CRACR2A: variants seen among roughly 807,000 people sequenced by gnomAD.
CRACR2A encodes the protein EF-hand calcium-binding domain-containing protein 4B.
In CRACR2A, 79 loss-of-function variants were observed where a neutral mutation model predicts 90.5. The observed-to-expected ratio is 0.87, with a 90% CI of 0.73 to 1.05. The LOEUF is 1.05. CRACR2A is among the 50% of genes least tolerant of loss of function. The probability of loss-of-function intolerance (pLI) is 0.00; values close to 1 mark genes in which losing one functional copy is unlikely to be tolerated. For synonymous variants in CRACR2A, 338 were observed against 356.7 expected (o/e 0.95, Z 0.59); for missense variants, 823 against 897.2 (o/e 0.92, Z 1.06).
At chr12:3,663,352 G>A (rs763164986) in intron 7 of CRACR2A, among the ~76,000 whole-genome samples, 4 of 152,006 alleles carry the variant, frequency 2.6e-5, no homozygotes, top group African/African-American at 4.8e-5. Context: ...ACAATACCAC[G>A]TCAAGGACTT....
chr12:3,674,730 T>G (rs1300928586), intron 6 of CRACR2A, among the ~76,000 whole-genome samples: 3 of 152,174 alleles, frequency 2.0e-5, no homozygotes, highest in African/African-American at 7.2e-5. Flanking sequence ...AGGCTTTTGA[T>G]TTTTTTAAAT....
intron 7 of CRACR2A, among the ~76,000 whole-genome samples, chr12:3,671,803 C>T (rs1193665847): frequency 6.6e-6 from 1 of 152,142 alleles, no homozygotes; most frequent in Non-Finnish European, 1.5e-5. Context: ...TACTTATGTG[C>T]CAGCACTGTT....
rs1400022892 is a variant in CRACR2A, at chr12:3,638,117, C to A, written c.1602+7G>T. 1 of 1,537,754 alleles carries A rather than the reference C, an allele frequency of 6.5e-7. No individual in the cohort carries two copies. Among genetic ancestry groups the A allele is most frequent in the South Asian group, 1.2e-5 (1 of 83,316 alleles). ...TGTGCATGAACCAAGGTAGGCTGTG[C>A]CCTTACCTTACACAGGGCTTCTTTT... On this transcript the variant is annotated splice_region_variant and intron_variant, in intron 14 of 19. Coordinates refer to ENST00000440314, the MANE Select transcript of CRACR2A (RefSeq NM_001144958.2).
At chr12:3,627,774 C>A (rs17836183) in intron 15 of CRACR2A, 68 bp from the exon 16 acceptor site, 1 of 1,434,528 alleles carries the variant, frequency 7.0e-7, no homozygotes, top group Non-Finnish European at 9.6e-7. Context: ...AATCAGGAAA[C>A]AATGCTTCCA....
At chr12:3,668,035 A>T (rs1945178420) in intron 7 of CRACR2A, among the ~76,000 whole-genome samples, 1 of 152,190 alleles carries the variant, frequency 6.6e-6, no homozygotes, top group East Asian at 1.9e-4. Flanking sequence ...TATAAAGCAA[A>T]CCATTTTTTA....
In CRACR2A at chr12:3,633,711, T is replaced by G. The variant is rs987410212; in HGVS notation, c.1628A>C (p.Asp543Ala). 6.4e-7 allele frequency: 1 copy of G among 1,551,706 alleles called. No homozygotes were observed. Among genetic ancestry groups the G allele is most frequent in the African/African-American group, 1.4e-5 (1 of 73,156 alleles). Residue 543 changes from aspartate (D) to alanine (A), a missense_variant, in exon 15 of 20, where the codon GAC becomes GCC. Physicochemically the swap from Asp to Ala is moderately radical, Grantham distance 126. Coordinates refer to ENST00000440314, the MANE Select transcript of CRACR2A (RefSeq NM_001144958.2). The surrounding 1 kb of genome is among the most constrained non-coding windows in gnomAD (Gnocchi z 4.5). Reference protein sequence around the residue: ...CKEESSPSAPDRLFKIVFVGN... With the variant: ...CKEESSPSAPARLFKIVFVGN... Reference sequence around the variant, plus strand: ...CACGAACACAATCTTGAAGAGCCGGTCAGGGGCAGAGGGAGAGCTTTCCTC... The same window carrying G: ...CACGAACACAATCTTGAAGAGCCGGGCAGGGGCAGAGGGAGAGCTTTCCTC...
chr12:3,696,102 A>G (rs1945735259), intron 4 of CRACR2A, among the ~76,000 whole-genome samples: 1 of 152,248 alleles, frequency 6.6e-6, no homozygotes, highest in Non-Finnish European at 1.5e-5. Context: ...GTTTTATTGG[A>G]ACACGGCACC....
In CRACR2A at chr12:3,672,608, T is replaced by C. The variant is rs1591675646; in HGVS notation, c.671+838A>G. On this transcript the variant is annotated intron_variant, in intron 7 of 19. Transcript: ENST00000440314. Reference sequence around the variant, plus strand: ...CACATCTAAGTCCATGTTCATAAAATGCGAGCTCATGGCTGTAAATGTTTG... The same window carrying C: ...CACATCTAAGTCCATGTTCATAAAACGCGAGCTCATGGCTGTAAATGTTTG... The C allele has an allele frequency of 1.1e-5, 3 of 282,052 alleles. No homozygotes were observed. The Admixed American group carries it at 1.9e-4, about 18-fold the overall frequency. The allele number at this position is 282,052 out of a possible 1,614,324, so 17.5% of individuals were successfully genotyped here.
At chr12:3,749,371 G>A (rs1024554677) in intron 1 of CRACR2A, among the ~76,000 whole-genome samples, 3 of 152,220 alleles carry the variant, frequency 2.0e-5, no homozygotes, top group African/African-American at 7.2e-5. Context: ...ATGTCCACCT[G>A]GTTATCTCCC....
At chr12:3,728,384 C>T (rs1277688485) in intron 2 of CRACR2A, 4 of 152,248 alleles carry the variant, frequency 2.6e-5, no homozygotes, top group African/African-American at 9.6e-5. Context: ...AAGCAAAAGC[C>T]CCAGTTGTTC....
Position 3,686,695 on chromosome 12 carries a change from A to T in CRACR2A, c.229-6346T>A, listed in dbSNP as rs7313277. ...CCCCGTGAAGCTTCTAGGGTATTGC[A>T]CCAGACCTAACCCTGCAAAGCAACA... On this transcript the variant is annotated intron_variant, in intron 4 of 19. Coordinates refer to ENST00000440314, the MANE Select transcript of CRACR2A (RefSeq NM_001144958.2). Among the ~76,000 whole-genome samples the T allele has an allele frequency of 3.0e-3, 456 of 151,984 alleles. 4 individuals are homozygous for T. The highest frequency in any genetic ancestry group is 0.01 in the African/African-American group (433 of 41,420).
chr12:3,631,798 T>A (rs563301594), intron 15 of CRACR2A, among the ~76,000 whole-genome samples: 1 of 152,308 alleles, frequency 6.6e-6, no homozygotes, highest in African/African-American at 2.4e-5. Flanking sequence ...GGGAGAAATG[T>A]TAGAAGGGCC....
At chr12:3,667,866 TG>T (rs1299010363) in intron 7 of CRACR2A, among the ~76,000 whole-genome samples, 4 of 152,214 alleles carry the variant, frequency 2.6e-5, no homozygotes, top group Non-Finnish European at 5.9e-5. Context: ...CACACATACA[TG>T]CATGATTAGA....
intron 1 of CRACR2A, among the ~76,000 whole-genome samples, chr12:3,737,383 A>T (rs980789992): frequency 3.3e-5 from 5 of 152,234 alleles, no homozygotes; most frequent in African/African-American, 1.2e-4. Flanking sequence ...CTTGATGGGC[A>T]GGTTAGAGAT....
Position 3,696,937 on chromosome 12 carries a change from CT to C in CRACR2A, c.62del (p.Gln21ArgfsTer29), listed in dbSNP as rs1945750397. 6.2e-7 allele frequency: 1 copy of C among 1,614,198 alleles called. No individual in the cohort carries two copies. Among genetic ancestry groups the C allele is most frequent in the African/African-American group, 1.3e-5 (1 of 75,066 alleles). On this transcript the variant is annotated frameshift_variant, in exon 4 of 20. Coordinates refer to ENST00000440314, the MANE Select transcript of CRACR2A (RefSeq NM_001144958.2). LOFTEE classifies it high-confidence loss of function. The part of the protein sequence containing the change: ...RPQRLGQGSG[Q>X]GPKGSGACLH... ...GGCAGGCTCCACTCCCCTTTGGCCC[CT>C]GGCCAGACCCCTGACCAAGTCTCTG...
At chr12:3,672,879 C>G in intron 7 of CRACR2A, 1 of 821,056 alleles carries the variant, frequency 1.2e-6, no homozygotes, top group Non-Finnish European at 1.5e-6. Context: ...GAGGCCGTGA[C>G]GGGAGAGAGC....
intron 1 of CRACR2A, among the ~76,000 whole-genome samples, chr12:3,742,391 A>T (rs1946541564): frequency 6.6e-6 from 1 of 152,238 alleles, no homozygotes; most frequent in Admixed American, 6.5e-5. Flanking sequence ...GACATAGTCC[A>T]CATCATACAT....
chr12:3,714,210 T>C (rs1324593196), intron 2 of CRACR2A, among the ~76,000 whole-genome samples: 1 of 152,246 alleles, frequency 6.6e-6, no homozygotes, highest in Non-Finnish European at 1.5e-5. Context: ...ATATTCACTC[T>C]GTGCAGGCAC....
At chr12:3,638,086 A>T (rs1259793377) in intron 14 of CRACR2A, 38 bp downstream of exon 14, 2 of 1,499,540 alleles carry the variant, frequency 1.3e-6, no homozygotes, top group South Asian at 2.6e-5. Flanking sequence ...CAGATCATAG[A>T]AGTGATGTGC....
Sources: gnomAD v4.1 joint callset for allele counts (sites outside exome capture counted in the v4.1 genomes callset) on GRCh38, gnomAD v4.1.1 for gene constraint, Gnocchi (gnomAD v3.1) non-coding constraint, MANE v1.5 for transcripts, NCBI Gene and HGNC (gene_info 2026-07-23, HGNC 2026-07-21) for gene names.